Variants in NEBL observed in about 807,000 individuals in gnomAD.
NEBL encodes the protein LIM and SH3 protein 2.
In NEBL, 122 loss-of-function variants were observed where a neutral mutation model predicts 140.2. The ratio of observed to expected loss-of-function variants is 0.87; its 90% CI spans 0.75 to 1.01. NEBL has a LOEUF of 1.01. Among genes scored for constraint, NEBL ranks in the 50% least tolerant of loss-of-function variants. The pLI is 0.00. For synonymous variants in NEBL, 436 were observed against 398.9 expected (o/e 1.09, Z -1.11); for missense variants, 1,365 against 1,231.3 (o/e 1.11, Z -1.62).
chr10:20,949,418 C>G (rs1835340534), intron 4 of NEBL, among the ~76,000 whole-genome samples: 1 of 152,102 alleles, frequency 6.6e-6, no homozygotes, highest in African/African-American at 2.4e-5. Context: ...ACCTATGTAA[C>G]AAACTTGCAC....
chr10:21,011,934 G>A (rs1205582482), intron 3 of NEBL, among the ~76,000 whole-genome samples: 2 of 152,190 alleles, frequency 1.3e-5, no homozygotes, highest in Non-Finnish European at 2.9e-5. Context: ...CACACTATGG[G>A]AGAGACTAAG....
At chr10:21,201,899 ACT>A (rs1322108852) in intron 3 of NEBL, among the ~76,000 whole-genome samples, 1 of 152,012 alleles carries the variant, frequency 6.6e-6, no homozygotes, top group Non-Finnish European at 1.5e-5. Context: ...GGGAAAATAA[ACT>A]CTATCAGATT....
intron 2 of NEBL, among the ~76,000 whole-genome samples, chr10:21,099,011 C>T (rs10828187): frequency 0.61 from 92,924 of 151,922 alleles, 29,730 homozygotes; most frequent in Non-Finnish European, 0.72. Flanking sequence ...CACACACCTG[C>T]GGTCCTATCT....
Position 20,994,720 on chromosome 10 carries a change from T to C in NEBL, c.249+25397A>G, listed in dbSNP as rs368533836. Among the ~76,000 whole-genome samples the C allele has an allele frequency of 9.2e-5, 14 of 152,350 alleles. No homozygotes were observed. In the East Asian group the frequency reaches 2.7e-3, roughly 29 times the overall value. The stretch of plus-strand genomic sequence containing the variant: ...AACACATAGTTAGTATGCTCTATAT[T>C]ATATACTGTGTTCTTACAATAAAGT... On this transcript the variant is annotated intron_variant, in intron 3 of 6. Transcript: ENST00000417816.
chr10:21,145,397 C>T (rs1214562019), intron 2 of NEBL, among the ~76,000 whole-genome samples: 1 of 152,130 alleles, frequency 6.6e-6, no homozygotes, highest in East Asian at 1.9e-4. Context: ...TGATGGAACA[C>T]CTATTTTATA....
At chr10:21,087,521 C>G (rs1040996479) in intron 2 of NEBL, among the ~76,000 whole-genome samples, 1 of 152,176 alleles carries the variant, frequency 6.6e-6, no homozygotes, top group Non-Finnish European at 1.5e-5. Flanking sequence ...AAAACTGCCT[C>G]TAACAGAATT....
intron 7 of NEBL, among the ~76,000 whole-genome samples, 179 bp from the exon 8 acceptor site, chr10:20,860,005 A>C (rs537056146): frequency 2.0e-5 from 3 of 152,220 alleles, no homozygotes; most frequent in Non-Finnish European, 4.4e-5. Context: ...AATAAAAAAA[A>C]CTCTGCTTCT....
upstream of NEBL, among the ~76,000 whole-genome samples, chr10:20,900,165 C>T (rs2131425473): frequency 1.3e-5 from 2 of 152,300 alleles, no homozygotes; most frequent in Middle Eastern, 6.8e-3. Context: ...CTGCTCATAG[C>T]TTTTACTTAT....
At chr10:21,234,598 C>A (rs1004120460) in intron 3 of NEBL, among the ~76,000 whole-genome samples, 1 of 152,164 alleles carries the variant, frequency 6.6e-6, no homozygotes, top group South Asian at 2.1e-4. Flanking sequence ...AACTGACTAA[C>A]ACAGACCCTG....
intron 3 of NEBL, among the ~76,000 whole-genome samples, chr10:20,992,696 A>C (rs370854227): frequency 9.6e-5 from 14 of 146,170 alleles, no homozygotes; most frequent in African/African-American, 2.8e-4. Flanking sequence ...GCTACTTACT[A>C]TCCTCTACTA....
At chr10:21,082,775 T>TTTTTC (rs1376119481) in intron 2 of NEBL, among the ~76,000 whole-genome samples, 8 of 147,844 alleles carry the variant, frequency 5.4e-5, no homozygotes, top group African/African-American at 2.0e-4. Flanking sequence ...TTTTTTTTTT[T>TTTTTC]TTTTTGAGAC....
chr10:21,028,235 C>CAAAAA (rs1168946872), intron 2 of NEBL, among the ~76,000 whole-genome samples: 14 of 66,210 alleles, frequency 2.1e-4, no homozygotes, highest in Non-Finnish European at 2.5e-4. Context: ...TCAAACATCT[C>CAAAAA]AAAAAAAAAA....
chr10:21,178,792 C>T (rs546861698), upstream of NEBL, among the ~76,000 whole-genome samples: 4 of 152,146 alleles, frequency 2.6e-5, no homozygotes, highest in Non-Finnish European at 2.9e-5. Flanking sequence ...CTCATAATTG[C>T]AAGTGTGAGC....
intron 4 of NEBL, among the ~76,000 whole-genome samples, chr10:20,955,460 A>C (rs1158493469): frequency 6.6e-6 from 1 of 152,190 alleles, no homozygotes; most frequent in Non-Finnish European, 1.5e-5. Context: ...AAATTGTCCT[A>C]AACATGCAGA....
chr10:20,862,328 A>G (rs1365952661), intron 7 of NEBL, among the ~76,000 whole-genome samples: 2 of 152,224 alleles, frequency 1.3e-5, no homozygotes, highest in Admixed American at 6.5e-5. Context: ...AGGAACAAAA[A>G]CACAAGTTTC....
At chr10:20,978,446 T>A (rs56029294) in intron 3 of NEBL, among the ~76,000 whole-genome samples, 23,967 of 149,706 alleles carry the variant, frequency 0.16, 3,848 homozygotes, top group African/African-American at 0.42. Flanking sequence ...AAAAAACGAG[T>A]TATTTGATTA....
chr10:20,896,296 T>A (rs1005657329), intron 2 of NEBL, among the ~76,000 whole-genome samples: 64 of 151,816 alleles, frequency 4.2e-4, no homozygotes, highest in African/African-American at 1.5e-3. Flanking sequence ...ATATTTAACA[T>A]AAAATTATAT....
chr10:21,228,205 G>A (rs1350952148), intron 3 of NEBL, among the ~76,000 whole-genome samples: 1 of 151,908 alleles, frequency 6.6e-6, no homozygotes, highest in Non-Finnish European at 1.5e-5. Flanking sequence ...CCAGGCTGGA[G>A]TGCAGTGGGG....
In NEBL at chr10:20,959,760, C is replaced by T. The variant is rs374083192; in HGVS notation, c.357+1912G>A. Among the ~76,000 whole-genome samples, 17 of 151,922 alleles carry T rather than the reference C, an allele frequency of 1.1e-4. 1 individual carries two copies. The East Asian group carries it at 1.9e-3, about 17-fold the overall frequency. ...CTTATAAGACTGCTACGGCTGCTAA[C>T]ATTAAGACATCGCAAAAAGTTTTTT... On this transcript the variant is annotated intron_variant, in intron 4 of 6. Coordinates refer to the NEBL transcript ENST00000417816.
Sources: allele counts gnomAD v4.1 joint callset (sites outside exome capture counted in the v4.1 genomes callset), GRCh38; gene constraint gnomAD v4.1.1; transcripts MANE v1.5; gene names NCBI Gene and HGNC (gene_info 2026-07-23, HGNC 2026-07-21).